DLGAP2: variants seen among roughly 807,000 people sequenced by gnomAD.
The protein encoded by DLGAP2 is DLG associated protein 2.
In DLGAP2, 26 loss-of-function variants were observed where a neutral mutation model predicts 100.3. The observed-to-expected ratio is 0.26, with a 90% CI of 0.19 to 0.36. The LOEUF (loss-of-function observed/expected upper bound fraction) is 0.36, where lower values mean the gene tolerates loss of function less well. Ranked by LOEUF, DLGAP2 falls within the 10% of genes least tolerant of loss-of-function variation. DLGAP2 has a pLI of 1.00. For synonymous variants in DLGAP2, 886 were observed against 630.1 expected (o/e 1.41, Z -6.08); for missense variants, 1,858 against 1,453.2 (o/e 1.28, Z -4.53).
intron 3 of DLGAP2, among the ~76,000 whole-genome samples, chr8:1,497,467 C>A (rs1459436395): frequency 6.6e-6 from 1 of 152,220 alleles, no homozygotes; most frequent in African/African-American, 2.4e-5. Flanking sequence ...CTAGGCCAGG[C>A]GGCCCATCTT....
At chr8:1,422,657 G>A (rs1347789486) in intron 3 of DLGAP2, among the ~76,000 whole-genome samples, 1 of 152,044 alleles carries the variant, frequency 6.6e-6, no homozygotes, top group Non-Finnish European at 1.5e-5. Flanking sequence ...GGGCACGGCT[G>A]GTGTGTGTTC....
At chr8:1,373,810 G>T (rs1802314576) in intron 3 of DLGAP2, 1 of 152,252 alleles carries the variant, frequency 6.6e-6, no homozygotes, top group Non-Finnish European at 1.5e-5. Context: ...TCAATGCACG[G>T]AATCTACCCT....
chr8:1,155,580 G>A (rs1325308269), intron 2 of DLGAP2, among the ~76,000 whole-genome samples: 1 of 152,148 alleles, frequency 6.6e-6, no homozygotes. Context: ...AGGCTCGCAG[G>A]TTGCAGGGTA....
Position 1,370,961 on chromosome 8 carries a change from C to T in DLGAP2, c.106+112078C>T, listed in dbSNP as rs368022212. 1.1e-4 allele frequency among the ~76,000 whole-genome samples: 17 copies of T among 152,328 alleles called. No homozygotes were observed. The East Asian group carries it at 2.1e-3, about 19-fold the overall frequency. ...TGAATAAGTTCATCTGTATGTTAGG[C>T]GCCTAGAACAGCGCTTTACACCATG... On this transcript the variant is annotated intron_variant, in intron 3 of 14. Coordinates refer to ENST00000637795, the MANE Select transcript of DLGAP2 (RefSeq NM_001346810.2).
chr8:1,601,334 T>C (rs1378903162), intron 6 of DLGAP2, among the ~76,000 whole-genome samples: 1 of 152,172 alleles, frequency 6.6e-6, no homozygotes, highest in East Asian at 1.9e-4. Flanking sequence ...TGTCTCCCCA[T>C]CAGGAGACAA....
intron 2 of DLGAP2, among the ~76,000 whole-genome samples, chr8:1,254,967 C>CCTGCCCGGGCGCTGTGTGTGTGTCCT (rs1563043164): frequency 1.3e-5 from 1 of 77,658 alleles, no homozygotes; most frequent in African/African-American, 7.9e-5. Flanking sequence ...TGTGTCCTCT[C>CCTGCCCGGGCGCTGTGTGTGTGTCCT]ATCCTGTCCG....
At chr8:915,343 C>A (rs575192912) in intron 2 of DLGAP2, among the ~76,000 whole-genome samples, 1 of 152,084 alleles carries the variant, frequency 6.6e-6, no homozygotes, top group Non-Finnish European at 1.5e-5. Flanking sequence ...GTCAGGAGAT[C>A]GGGACCGTCC....
intron 2 of DLGAP2, among the ~76,000 whole-genome samples, chr8:953,652 C>T (rs1187932464): frequency 6.6e-6 from 1 of 151,720 alleles, no homozygotes; most frequent in Non-Finnish European, 1.5e-5. Context: ...TTTTGTCCAT[C>T]AGTCTTTTTT....
At chr8:1,456,263 G>T (rs1798307250) in intron 3 of DLGAP2, among the ~76,000 whole-genome samples, 1 of 152,162 alleles carries the variant, frequency 6.6e-6, no homozygotes, top group Admixed American at 6.6e-5. Context: ...TTCCTCATTG[G>T]CAGCATTGTG....
intron 3 of DLGAP2, 84 bp downstream of exon 3, chr8:1,258,967 T>C (rs1799286612): frequency 8.8e-7 from 1 of 1,130,712 alleles, no homozygotes; most frequent in South Asian, 4.5e-5. Flanking sequence ...CCATGAAACG[T>C]GTTGGAGAGA....
At chr8:832,905 G>C (rs768440087) in intron 1 of DLGAP2, among the ~76,000 whole-genome samples, 3 of 152,152 alleles carry the variant, frequency 2.0e-5, no homozygotes, top group Non-Finnish European at 4.4e-5. Flanking sequence ...TCTTCCTCTT[G>C]GGAGTCAGTT....
chr8:931,586 C>T (rs917477603), intron 2 of DLGAP2, among the ~76,000 whole-genome samples: 5 of 152,258 alleles, frequency 3.3e-5, no homozygotes, highest in East Asian at 1.9e-4. Context: ...ATTTGGCTCC[C>T]GGGAAGCTTG....
chr8:1,233,436 G>A (rs570361218), intron 2 of DLGAP2, among the ~76,000 whole-genome samples: 3 of 152,206 alleles, frequency 2.0e-5, no homozygotes, highest in Admixed American at 1.3e-4. Context: ...TATTGCAAAC[G>A]TCCTGCCTAC....
chr8:1,527,009 G>A lies in DLGAP2; in HGVS notation c.173-21617G>A, dbSNP rs369843060. 7.2e-5 allele frequency among the ~76,000 whole-genome samples: 11 copies of A among 151,810 alleles called. No homozygotes were observed. The East Asian group carries it at 1.4e-3, about 19-fold the overall frequency. On this transcript the variant is annotated intron_variant, in intron 4 of 14. Transcript: ENST00000637795. ...CAAGCCCACCCGTTACCACGACTTC[G>A]CATCGTCTACATTGCAGGCTCACGT...
chr8:813,093 T>C (rs898741820), intron 1 of DLGAP2, among the ~76,000 whole-genome samples: 6 of 152,180 alleles, frequency 3.9e-5, no homozygotes, highest in Non-Finnish European at 8.8e-5. Flanking sequence ...AATAGAAGAC[T>C]TTCTAAATTA....
chr8:1,236,896 C>T (rs1387011530), intron 2 of DLGAP2, among the ~76,000 whole-genome samples: 5 of 121,134 alleles, frequency 4.1e-5, no homozygotes, highest in Non-Finnish European at 8.7e-5. Flanking sequence ...TCTAACATGG[C>T]GCCATGTTTA....
chr8:1,090,184 C>G (rs1294823281), intron 2 of DLGAP2, among the ~76,000 whole-genome samples: 1 of 139,314 alleles, frequency 7.2e-6, no homozygotes, highest in Admixed American at 7.1e-5. Flanking sequence ...ACTCATACCC[C>G]GAGGACCTGC....
At chr8:1,036,123 C>G (rs1403929561) in intron 2 of DLGAP2, among the ~76,000 whole-genome samples, 49 of 140,026 alleles carry the variant, frequency 3.5e-4, no homozygotes, top group African/African-American at 1.2e-3. Context: ...TGGATTCACA[C>G]GCTCATCCCG....
chr8:1,514,038 G>C (rs148527407), intron 4 of DLGAP2, among the ~76,000 whole-genome samples: 1 of 152,194 alleles, frequency 6.6e-6, no homozygotes, highest in Non-Finnish European at 1.5e-5. Context: ...GCACAGATTT[G>C]CTTTAAATAA....
Sources: allele counts gnomAD v4.1 joint callset (sites outside exome capture counted in the v4.1 genomes callset), GRCh38; gene constraint gnomAD v4.1.1; transcripts MANE v1.5; gene names NCBI Gene and HGNC (gene_info 2026-07-23, HGNC 2026-07-21).